AIG1: variants seen among roughly 807,000 people sequenced by gnomAD.
AIG1 encodes the protein androgen-induced gene 1 protein.
AIG1 carries 23 observed loss-of-function variants against 31.4 expected under a neutral mutation model. That is an observed-to-expected ratio of 0.73 (90% CI 0.53 to 1.04). The LOEUF is 1.04. Ranked by LOEUF, AIG1 falls within the 50% of genes least tolerant of loss-of-function variation. The pLI is 0.00. For missense variants in AIG1, 274 were observed against 295.0 expected (o/e 0.93, Z 0.52); for synonymous variants, 100 against 110.5 (o/e 0.90, Z 0.60).
At chr6:143,177,157 AATG>A (rs1336272212) in intron 3 of AIG1, among the ~76,000 whole-genome samples, 1 of 152,180 alleles carries the variant, frequency 6.6e-6, no homozygotes, top group African/African-American at 2.4e-5. Context: ...CGTTCTTTTT[AATG>A]ATATCTATTT....
intron 2 of AIG1, among the ~76,000 whole-genome samples, chr6:143,162,052 G>T (rs1434844113): frequency 1.3e-5 from 2 of 152,152 alleles, no homozygotes; most frequent in Admixed American, 1.3e-4. Context: ...TTCTAAAATA[G>T]CTACTAGAAC....
intron 3 of AIG1, among the ~76,000 whole-genome samples, chr6:143,267,387 T>C (rs562985990): frequency 6.6e-6 from 1 of 152,364 alleles, no homozygotes; most frequent in Non-Finnish European, 1.5e-5. Flanking sequence ...TAGTGTGTTC[T>C]ACTTTCATAA....
intron 2 of AIG1, among the ~76,000 whole-genome samples, chr6:143,140,392 T>A (rs1274037163): frequency 6.6e-6 from 1 of 152,192 alleles, no homozygotes; most frequent in Non-Finnish European, 1.5e-5. Flanking sequence ...TCTAATGTTA[T>A]TTCCCACCTT....
At chr6:143,275,005 G>A (rs968005472) in intron 3 of AIG1, among the ~76,000 whole-genome samples, 3 of 152,190 alleles carry the variant, frequency 2.0e-5, no homozygotes, top group East Asian at 1.9e-4. Context: ...GATAGAGGAA[G>A]CAGCATAAAC....
intron 3 of AIG1, among the ~76,000 whole-genome samples, chr6:143,167,122 G>C (rs1787043593): frequency 6.6e-6 from 1 of 152,134 alleles, no homozygotes; most frequent in African/African-American, 2.4e-5. Flanking sequence ...TTAAGAAAAA[G>C]ACATTATGAA....
intron 1 of AIG1, among the ~76,000 whole-genome samples, chr6:143,105,179 G>T (rs532294096): frequency 3.9e-5 from 6 of 152,182 alleles, no homozygotes; most frequent in Non-Finnish European, 7.3e-5. Flanking sequence ...AAGACAGATG[G>T]TTAATGGAGC....
At chr6:143,267,262 T>C (rs11757344) in intron 3 of AIG1, among the ~76,000 whole-genome samples, 35,144 of 152,118 alleles carry the variant, frequency 0.23, 5,509 homozygotes, top group East Asian at 0.71. Flanking sequence ...TAGACTTCCC[T>C]TTACTACAAG....
chr6:143,201,725 C>T (rs138827141), intron 3 of AIG1, among the ~76,000 whole-genome samples: 100 of 152,288 alleles, frequency 6.6e-4, no homozygotes, highest in African/African-American at 2.2e-3. Flanking sequence ...CTCTTTGTTA[C>T]GGACCTGGGG....
At chr6:143,189,274 C>T (rs1219389553) in intron 3 of AIG1, 2 of 507,082 alleles carry the variant, frequency 3.9e-6, no homozygotes, top group Non-Finnish European at 5.1e-6. Flanking sequence ...GAGACAATGG[C>T]CTCATTATGT....
chr6:143,100,428 A>C (rs1473101972), intron 1 of AIG1, among the ~76,000 whole-genome samples: 1 of 152,240 alleles, frequency 6.6e-6, no homozygotes, highest in Non-Finnish European at 1.5e-5. Context: ...ACTCTTACAA[A>C]GAAAGCAGAA....
chr6:143,342,958 A>T, downstream of AIG1: 2 of 985,964 alleles, frequency 2.0e-6, no homozygotes, highest in Non-Finnish European at 3.3e-6. Flanking sequence ...TATAGTGAAC[A>T]TTCTGGGTCA....
chr6:143,066,528 C>T (rs970655778), intron 1 of AIG1, among the ~76,000 whole-genome samples: 2 of 152,132 alleles, frequency 1.3e-5, no homozygotes, highest in Non-Finnish European at 2.9e-5. Flanking sequence ...CTGCATTGGC[C>T]TCCCAAAGTG....
chr6:143,061,441 C>T (rs2128454270), intron 1 of AIG1: 1 of 374,772 alleles, frequency 2.7e-6, no homozygotes, highest in South Asian at 1.9e-5. Flanking sequence ...GAGACCCATT[C>T]GCCCTCAAGG....
At chr6:143,315,545 G>A (rs1048601391) in intron 4 of AIG1, among the ~76,000 whole-genome samples, 1 of 152,130 alleles carries the variant, frequency 6.6e-6, no homozygotes, top group Admixed American at 6.6e-5. Flanking sequence ...ATATTTGACA[G>A]AGGAGCAAAG....
intron 4 of AIG1, among the ~76,000 whole-genome samples, chr6:143,301,441 A>C (rs1474522631): frequency 6.6e-6 from 1 of 152,204 alleles, no homozygotes; most frequent in Non-Finnish European, 1.5e-5. Flanking sequence ...GGCAGCTTAC[A>C]CGTGGTGTTG....
chr6:143,129,236 A>C (rs1460384784), intron 1 of AIG1, among the ~76,000 whole-genome samples: 1 of 152,188 alleles, frequency 6.6e-6, no homozygotes, highest in Non-Finnish European at 1.5e-5. Context: ...GCTTGCAGTG[A>C]GCCGAGATCG....
chr6:143,198,076 C>G (rs1790400402), intron 3 of AIG1, among the ~76,000 whole-genome samples: 1 of 152,164 alleles, frequency 6.6e-6, no homozygotes, highest in Non-Finnish European at 1.5e-5. Flanking sequence ...TTATCAGACC[C>G]TGTGACCTAT....
At position 143,310,022 on chromosome 6, in the gene AIG1, A is replaced by G. The variant is rs376488947; in HGVS notation, c.516-23260A>G. On this transcript the variant is annotated intron_variant, in intron 4 of 5. Transcript: ENST00000357847. ...ACAAAACTGATAGAACTGCCAGGAA[A>G]CATAGGCATATCCACTATTATAATT... is the stretch of plus-strand genomic sequence containing the variant. Among the ~76,000 whole-genome samples the G allele has an allele frequency of 1.4e-4, 21 of 152,098 alleles. No individual in the cohort carries two copies. In the South Asian group the frequency reaches 3.9e-3, roughly 29 times the overall value.
chr6:143,083,912 G>A (rs1778518499), intron 1 of AIG1, among the ~76,000 whole-genome samples: 11 of 152,146 alleles, frequency 7.2e-5, no homozygotes, highest in Admixed American at 7.2e-4. Flanking sequence ...CCCTGCTTTT[G>A]CTAGAATGTC....
Sources: gnomAD v4.1 joint callset for allele counts (sites outside exome capture counted in the v4.1 genomes callset) on GRCh38, gnomAD v4.1.1 for gene constraint, MANE v1.5 for transcripts, NCBI Gene and HGNC (gene_info 2026-07-23, HGNC 2026-07-21) for gene names.